Variants in DLGAP2 observed in about 807,000 individuals in gnomAD.
DLGAP2 encodes DLG associated protein 2.
A neutral mutation model predicts 100.3 loss-of-function variants in DLGAP2; 26 were observed. The ratio of observed to expected loss-of-function variants is 0.26; its 90% CI spans 0.19 to 0.36. The LOEUF (loss-of-function observed/expected upper bound fraction) is 0.36. Ranked by LOEUF, DLGAP2 falls within the 10% of genes least tolerant of loss-of-function variation. The pLI, the probability that DLGAP2 is intolerant of heterozygous loss-of-function variation, is 1.00. For missense variants in DLGAP2, 1,858 were observed against 1,453.2 expected, an observed-to-expected ratio of 1.28 and a Z score of -4.53; for synonymous variants, 886 against 630.1, an observed-to-expected ratio of 1.41 and a Z score of -6.08.
chr8:1,646,087 G>A (rs1386273780), intron 8 of DLGAP2, among the ~76,000 whole-genome samples: 12 of 152,198 alleles, frequency 7.9e-5, no homozygotes, highest in Admixed American at 6.5e-4. Context: ...ACATTATTGT[G>A]GGTGTGTCTG....
intron 6 of DLGAP2, among the ~76,000 whole-genome samples, chr8:1,617,186 A>G (rs553650406): frequency 6.6e-6 from 1 of 152,198 alleles, no homozygotes; most frequent in Non-Finnish European, 1.5e-5. Context: ...TAGTGCTGCA[A>G]TGAATGTGCA....
intron 3 of DLGAP2, among the ~76,000 whole-genome samples, chr8:1,335,825 A>G (rs781297963): frequency 6.6e-6 from 1 of 152,244 alleles, no homozygotes; most frequent in Non-Finnish European, 1.5e-5. Context: ...AGTTTCAGAT[A>G]AATAAGAAAA....
chr8:1,278,177 C>T (rs1015437684), intron 3 of DLGAP2, among the ~76,000 whole-genome samples: 2 of 152,334 alleles, frequency 1.3e-5, no homozygotes, highest in Middle Eastern at 3.4e-3. Context: ...CCAGCTCTTT[C>T]TCCTCCACCA....
intron 5 of DLGAP2, among the ~76,000 whole-genome samples, chr8:1,558,879 TACAC>T (rs757120711): frequency 6.6e-6 from 1 of 151,070 alleles, no homozygotes; most frequent in South Asian, 2.1e-4. Context: ...ATACGTACTT[TACAC>T]ACACACACAC....
chr8:843,770 A>G (rs1169999464), intron 1 of DLGAP2, among the ~76,000 whole-genome samples: 1 of 152,224 alleles, frequency 6.6e-6, no homozygotes, highest in East Asian at 1.9e-4. Context: ...GTAGTTGTAA[A>G]GGAGGATTTA....
intron 1 of DLGAP2, among the ~76,000 whole-genome samples, chr8:869,420 T>C (rs930199282): frequency 6.6e-6 from 1 of 152,214 alleles, no homozygotes; most frequent in Non-Finnish European, 1.5e-5. Flanking sequence ...CTGCGTGTTT[T>C]CTCTTTCAGC....
At chr8:1,285,729 T>G (rs1241640824) in intron 3 of DLGAP2, among the ~76,000 whole-genome samples, 1 of 152,226 alleles carries the variant, frequency 6.6e-6, no homozygotes, top group African/African-American at 2.4e-5. Flanking sequence ...AATACTTTAG[T>G]AGGCTGACAC....
rs1012236351 is a variant in DLGAP2, at chr8:1,660,125, G to A, written c.1811-8204G>A. Among the ~76,000 whole-genome samples the A allele has an allele frequency of 7.2e-5, 11 of 152,114 alleles. No homozygotes were observed. The East Asian group carries it at 2.1e-3, about 29-fold the overall frequency. ...TTTAGTTTGTTTAGTTTGGTTGCCT[G>A]TGAAATTCTGGTTGAAAATTCTTTA... is the stretch of plus-strand genomic sequence containing the variant. On this transcript the variant is annotated intron_variant, in intron 8 of 14. Coordinates refer to ENST00000637795, the MANE Select transcript of DLGAP2 (RefSeq NM_001346810.2).
At chr8:1,599,117 G>A (rs538901094) in intron 6 of DLGAP2, among the ~76,000 whole-genome samples, 6 of 152,142 alleles carry the variant, frequency 3.9e-5, no homozygotes, top group South Asian at 2.1e-4. Flanking sequence ...CCTTAATTTC[G>A]TTATTTACCC....
At chr8:746,853 T>A (rs1246044821) in intron 1 of DLGAP2, among the ~76,000 whole-genome samples, 1 of 152,218 alleles carries the variant, frequency 6.6e-6, no homozygotes, top group Non-Finnish European at 1.5e-5. Context: ...TAGCCCCTGC[T>A]GGCTGCGGAC....
chr8:1,429,229 T>G (rs1411494619), intron 3 of DLGAP2, among the ~76,000 whole-genome samples: 1 of 152,186 alleles, frequency 6.6e-6, no homozygotes, highest in Non-Finnish European at 1.5e-5. Context: ...ATGGTAGAAT[T>G]CCTACTTAGG....
At chr8:1,423,359 C>T (rs1182408830) in intron 3 of DLGAP2, among the ~76,000 whole-genome samples, 1 of 152,154 alleles carries the variant, frequency 6.6e-6, no homozygotes, top group Non-Finnish European at 1.5e-5. Context: ...ATCCCAGGAC[C>T]ACCCCAGGTT....
chr8:1,479,920 C>T lies in DLGAP2; in HGVS notation c.107-21446C>T, dbSNP rs542077098. ...ATTCATTGTGAAAGTATCTCAGCTG[C>T]GTATGTAAATTGGGTAGTGCTGGCG... On this transcript the variant is annotated intron_variant, in intron 3 of 14. Transcript: ENST00000637795. Among the ~76,000 whole-genome samples the T allele has an allele frequency of 3.9e-5, 6 of 152,274 alleles. No individual in the cohort carries two copies. The South Asian group carries it at 6.2e-4, about 16-fold the overall frequency.
intron 3 of DLGAP2, among the ~76,000 whole-genome samples, chr8:1,377,475 C>T (rs1201843338): frequency 6.6e-6 from 1 of 152,140 alleles, no homozygotes; most frequent in Non-Finnish European, 1.5e-5. Flanking sequence ...ACCTGGGAGG[C>T]GGAGCTGGCA....
At chr8:1,319,203 G>T (rs1407311145) in intron 3 of DLGAP2, among the ~76,000 whole-genome samples, 1 of 152,112 alleles carries the variant, frequency 6.6e-6, no homozygotes, top group Admixed American at 6.6e-5. Context: ...TCCCTGGTCA[G>T]GGCGTCTGCT....
chr8:1,418,929 C>T lies in DLGAP2; in HGVS notation c.107-82437C>T, dbSNP rs550368086. 2.1e-4 allele frequency among the ~76,000 whole-genome samples: 32 copies of T among 152,316 alleles called. 1 individual carries two copies. The highest frequency in any genetic ancestry group is 6.7e-4 in the African/African-American group (28 of 41,578). ...TTCAGTGATTTGCTTGAATGGCTCA[C>T]AGAACTCGGGGAAACACTTTACTTG... On this transcript the variant is annotated intron_variant, in intron 3 of 14. Coordinates refer to ENST00000637795, the MANE Select transcript of DLGAP2 (RefSeq NM_001346810.2).
intron 2 of DLGAP2, among the ~76,000 whole-genome samples, chr8:1,240,058 G>C (rs1314526196): frequency 1.4e-5 from 2 of 141,088 alleles, no homozygotes; most frequent in East Asian, 2.2e-4. Context: ...ACATGGCGCC[G>C]TGTCTAGTTA....
chr8:1,013,272 C>T (rs913376233), intron 2 of DLGAP2, among the ~76,000 whole-genome samples: 1 of 152,134 alleles, frequency 6.6e-6, no homozygotes, highest in Non-Finnish European at 1.5e-5. Context: ...AAGTGCCCAC[C>T]ATGTACTGCC....
rs182751553 is a variant in DLGAP2 at position 1,602,977 on chromosome 8, C to T, written c.1443-23763C>T. Among the ~76,000 whole-genome samples the T allele has an allele frequency of 2.6e-3, 402 of 152,298 alleles. 5 individuals are homozygous for T. Among genetic ancestry groups the T allele is most frequent in the South Asian group, 0.019 (92 of 4,830 alleles). On this transcript the variant is annotated intron_variant, in intron 6 of 14. Coordinates refer to ENST00000637795, the MANE Select transcript of DLGAP2 (RefSeq NM_001346810.2). ...GGTGGAAGGCTGGCTCTCAGTTCTG[C>T]AGAGGCTGGATAGAGTGGAGGCTGG...
Sources: gnomAD v4.1 joint callset for allele counts (sites outside exome capture counted in the v4.1 genomes callset) on GRCh38, gnomAD v4.1.1 for gene constraint, MANE v1.5 for transcripts, NCBI Gene and HGNC (gene_info 2026-07-23, HGNC 2026-07-21) for gene names.